CFAP161: variants seen among roughly 807,000 people sequenced by gnomAD.
CFAP161 encodes the protein cilia and flagella associated protein 161.
Under a neutral mutation model 29.0 loss-of-function variants are expected in CFAP161, and 25 were observed. The observed-to-expected ratio is 0.86, with a 90% CI of 0.63 to 1.20. The LOEUF is 1.20. CFAP161 is among the 50% of genes most tolerant of loss of function. The probability of loss-of-function intolerance (pLI) is 0.00; values close to 1 mark genes in which losing one functional copy is unlikely to be tolerated. For missense variants in CFAP161, 367 were observed against 371.9 expected, an observed-to-expected ratio of 0.99 and a Z score of 0.11; for synonymous variants, 116 against 137.4, an observed-to-expected ratio of 0.84 and a Z score of 1.09.
intron 5 of CFAP161, among the ~76,000 whole-genome samples, chr15:81,145,214 A>G (rs1290887410): frequency 6.6e-6 from 1 of 152,234 alleles, no homozygotes; most frequent in Non-Finnish European, 1.5e-5. Flanking sequence ...CCCTGACTTC[A>G]CAAGGTTCTT....
chr15:81,139,688 G>A (rs1363347108), intron 4 of CFAP161, among the ~76,000 whole-genome samples: 2 of 152,116 alleles, frequency 1.3e-5, no homozygotes, highest in Non-Finnish European at 2.9e-5. Flanking sequence ...GTTCCAGTGT[G>A]CATTTGTGTA....
intron 1 of CFAP161, among the ~76,000 whole-genome samples, chr15:81,103,405 C>T (rs538093046): frequency 2.0e-5 from 3 of 152,066 alleles, no homozygotes; most frequent in Non-Finnish European, 4.4e-5. Flanking sequence ...TCTCAAGATC[C>T]TCCCCAGGGA....
chr15:81,124,442 T>C (rs1467177343), intron 1 of CFAP161, among the ~76,000 whole-genome samples: 1 of 151,364 alleles, frequency 6.6e-6, no homozygotes, highest in Admixed American at 6.6e-5. Flanking sequence ...TTTGCATTGA[T>C]GTTCACCAAG....
chr15:81,138,114 A>G lies in CFAP161; in HGVS notation c.456A>G (p.Thr152=), dbSNP rs1894843827. ...GGCAGGACTTTTGCCTGGGGATAAC[A>G]GGAGGATTTGACAACAAAATGGTGA... ...RYGQDFCLGI[T]GGFDNKMLYL... is the part of the protein sequence containing the mutation. The change falls in exon 4 of 7, where the codon ACA becomes ACG. Residue 152 remains threonine, a synonymous_variant. Transcript: ENST00000286732. 1 of 1,612,732 alleles carries G rather than the reference A, an allele frequency of 6.2e-7. No individual in the cohort carries two copies. The highest frequency in any genetic ancestry group is 8.5e-7 in the Non-Finnish European group (1 of 1,178,688).
intron 6 of CFAP161, 81 bp downstream of exon 6, chr15:81,148,012 T>C (rs1197412830): frequency 1.8e-6 from 2 of 1,135,620 alleles, no homozygotes; most frequent in Non-Finnish European, 2.6e-6. Flanking sequence ...CAATTGATAG[T>C]GTATGGCTGC....
chr15:81,143,536 T>C, intron 4 of CFAP161, 126 bp from the exon 5 acceptor site: 1 of 1,072,922 alleles, frequency 9.3e-7, no homozygotes, highest in East Asian at 2.4e-5. Context: ...TCTCATACAA[T>C]CAGTAAGAAC....
intron 2 of CFAP161, among the ~76,000 whole-genome samples, chr15:81,135,921 TG>T (rs1894801921): frequency 6.6e-6 from 1 of 152,196 alleles, no homozygotes; most frequent in African/African-American, 2.4e-5. Flanking sequence ...ATCCCATTAC[TG>T]GGTATATACC....
At chr15:81,135,020 G>A (rs1894784400) in intron 1 of CFAP161, among the ~76,000 whole-genome samples, 1 of 152,168 alleles carries the variant, frequency 6.6e-6, no homozygotes, top group African/African-American at 2.4e-5. Context: ...ATTTAGGATG[G>A]TATCTGGCTG....
intron 1 of CFAP161, among the ~76,000 whole-genome samples, chr15:81,118,975 A>G (rs1484042244): frequency 6.6e-6 from 1 of 152,244 alleles, no homozygotes; most frequent in Non-Finnish European, 1.5e-5. Flanking sequence ...AAGAGTCGTC[A>G]GAACATTATT....
intron 1 of CFAP161, chr15:81,118,318 T>C: frequency 2.1e-6 from 1 of 475,262 alleles, no homozygotes; most frequent in Non-Finnish European, 3.9e-6. Context: ...TGATTTGCAG[T>C]TGTCCAAGAC....
chr15:81,120,828 T>C (rs1396442347), intron 1 of CFAP161, among the ~76,000 whole-genome samples: 1 of 152,198 alleles, frequency 6.6e-6, no homozygotes, highest in Non-Finnish European at 1.5e-5. Flanking sequence ...CCATTCTGAA[T>C]GAAAAACACA....
chr15:81,104,559 C>T (rs550664719), intron 1 of CFAP161, among the ~76,000 whole-genome samples: 1 of 152,352 alleles, frequency 6.6e-6, no homozygotes, highest in South Asian at 2.1e-4. Flanking sequence ...AGTTACAAGG[C>T]ATCCTTTTGA....
intron 1 of CFAP161, among the ~76,000 whole-genome samples, chr15:81,112,382 C>A (rs1894449663): frequency 6.6e-6 from 1 of 152,036 alleles, no homozygotes; most frequent in Admixed American, 6.6e-5. Flanking sequence ...TCTTTCCTGC[C>A]AGATGTTTTA....
intron 5 of CFAP161, among the ~76,000 whole-genome samples, chr15:81,145,904 A>G (rs988191266): frequency 1.3e-5 from 2 of 152,190 alleles, no homozygotes; most frequent in Non-Finnish European, 2.9e-5. Context: ...GGATGCTGTC[A>G]GGAAGTGGGG....
At chr15:81,101,924 GACCTCACT>G (rs1297044247) in intron 1 of CFAP161, among the ~76,000 whole-genome samples, 3 of 152,122 alleles carry the variant, frequency 2.0e-5, no homozygotes, top group Non-Finnish European at 4.4e-5. Context: ...CTGGCCAACT[GACCTCACT>G]ACCTCACTGC....
chr15:81,103,067 C>CATG (rs10626158), intron 1 of CFAP161, among the ~76,000 whole-genome samples: 82,563 of 151,054 alleles, frequency 0.55, 23,775 homozygotes, highest in Non-Finnish European at 0.67. Context: ...CGAGGAAGCA[C>CATG]ATGATGATGA....
chr15:81,102,526 A>T (rs1475687930), intron 1 of CFAP161, among the ~76,000 whole-genome samples: 1 of 152,142 alleles, frequency 6.6e-6, no homozygotes, highest in African/African-American at 2.4e-5. Context: ...ATAAAAAATT[A>T]GTTGACGTGG....
rs1338118199 is a variant in CFAP161 at position 81,105,135 on chromosome 15, C to G, written c.-141-22455C>G. On this transcript the variant is annotated intron_variant, in intron 1 of 4. Coordinates refer to the CFAP161 transcript ENST00000560091. ...CTTTCTCCCCCATACCTTTCTCCCC[C>G]CTCCCCTCCCTCCCTCCCTCCCTCC... is the stretch of plus-strand genomic sequence containing the variant. 2.7e-4 allele frequency among the ~76,000 whole-genome samples: 4 copies of G among 14,912 alleles called. 1 individual carries two copies. The highest frequency in any genetic ancestry group is 5.1e-4 in the Non-Finnish European group (3 of 5,882). The allele number at this position is 14,912 out of a possible 152,430, so 9.8% of individuals were successfully genotyped here. A position where few individuals can be genotyped will look rare whatever the true frequency, so the allele number is the denominator to read the frequency against.
intron 1 of CFAP161, among the ~76,000 whole-genome samples, chr15:81,123,194 C>T (rs111902065): frequency 6.6e-6 from 1 of 152,122 alleles, no homozygotes; most frequent in East Asian, 1.9e-4. Context: ...AGTCTTTAAT[C>T]CATCTTGAGT....
Sources: gnomAD v4.1 joint callset for allele counts (sites outside exome capture counted in the v4.1 genomes callset) on GRCh38, gnomAD v4.1.1 for gene constraint, MANE v1.5 for transcripts, NCBI Gene and HGNC (gene_info 2026-07-23, HGNC 2026-07-21) for gene names.